FOXP2: variants seen among roughly 807,000 people sequenced by gnomAD.
The protein encoded by FOXP2 is forkhead box P2.
Under a neutral mutation model 115.8 loss-of-function variants are expected in FOXP2, and 12 were observed. The ratio of observed to expected loss-of-function variants is 0.10; its 90% CI spans 0.07 to 0.17. The LOEUF is 0.17. Among genes scored for constraint, FOXP2 ranks in the 10% least tolerant of loss-of-function variants. FOXP2 has a pLI of 1.00. For missense variants in FOXP2, 629 were observed against 843.5 expected (o/e 0.75, Z 3.15); for synonymous variants, 328 against 297.7 (o/e 1.10, Z -1.05).
chr7:114,262,909 A>G (rs1363057810), intron 1 of FOXP2, among the ~76,000 whole-genome samples: 1 of 152,128 alleles, frequency 6.6e-6, no homozygotes, highest in Non-Finnish European at 1.5e-5. Flanking sequence ...TTTTATGTCT[A>G]CATAGTATCC....
chr7:114,086,480 C>CT (rs577923106), upstream of FOXP2: 964 of 349,364 alleles, frequency 2.8e-3, 12 homozygotes, highest in African/African-American at 0.02. Flanking sequence ...CGGCCCCCCC[C>CT]CTCCCCGGGC....
intron 1 of FOXP2, among the ~76,000 whole-genome samples, chr7:114,139,986 G>A (rs962729962): frequency 2.0e-5 from 3 of 152,072 alleles, no homozygotes; most frequent in South Asian, 2.1e-4. Context: ...GGTGGCAGGC[G>A]CCTGTAATCC....
intron 2 of FOXP2, among the ~76,000 whole-genome samples, chr7:114,504,861 T>C (rs906640305): frequency 1.3e-5 from 2 of 151,576 alleles, no homozygotes; most frequent in African/African-American, 2.4e-5. Context: ...GTAAAAAGCA[T>C]TGGTATTAGA....
chr7:114,417,138 C>G (rs950131015), intron 1 of FOXP2, among the ~76,000 whole-genome samples: 4 of 151,878 alleles, frequency 2.6e-5, no homozygotes, highest in Non-Finnish European at 5.9e-5. Flanking sequence ...TAATTTAATA[C>G]TCCTATGCAT....
chr7:114,486,013 C>T (rs1046829334), intron 2 of FOXP2, among the ~76,000 whole-genome samples: 1 of 152,034 alleles, frequency 6.6e-6, no homozygotes, highest in Admixed American at 6.6e-5. Flanking sequence ...TGCCATGGCT[C>T]CTGCTACTAC....
At chr7:114,156,953 T>A (rs1009735441) in intron 1 of FOXP2, among the ~76,000 whole-genome samples, 3 of 152,112 alleles carry the variant, frequency 2.0e-5, no homozygotes, top group African/African-American at 7.2e-5. Context: ...GTCTAGTAAG[T>A]TTTTTATAAA....
At chr7:114,426,417 T>C (rs902586074) in intron 1 of FOXP2, 85 bp from the exon 2 acceptor site, 1 of 1,266,926 alleles carries the variant, frequency 7.9e-7, no homozygotes, top group Admixed American at 1.8e-5. Context: ...AGATGCTGTC[T>C]CTGTAATTGG....
At position 114,663,439 on chromosome 7, in the gene FOXP2, T is replaced by TG; in HGVS notation, c.1770-11_1770-10insG. 6.4e-7 allele frequency: 1 copy of TG among 1,573,674 alleles called. No homozygotes were observed. Among genetic ancestry groups the TG allele is most frequent in the Non-Finnish European group, 8.7e-7 (1 of 1,145,080 alleles). ...GACGTATAAATGATCTTTATATATT[T>TG]TTTTTTTCAGAAGTCCAACCTTAGT... On this transcript the variant is annotated splice_polypyrimidine_tract_variant and intron_variant, in intron 14 of 16. Transcript: ENST00000350908.
chr7:114,355,647 TA>T (rs1436218530), intron 2 of FOXP2, among the ~76,000 whole-genome samples: 2 of 152,196 alleles, frequency 1.3e-5, no homozygotes, highest in Admixed American at 6.6e-5. Flanking sequence ...TTATGTAGTT[TA>T]AAAAAACAAC....
At chr7:114,181,277 A>AATATATATAT (rs143721093) in intron 1 of FOXP2, among the ~76,000 whole-genome samples, 1 of 146,090 alleles carries the variant, frequency 6.8e-6, no homozygotes, top group South Asian at 2.1e-4. Context: ...CTAATAAATT[A>AATATATATAT]ATATATATAT....
At chr7:114,353,334 CTTTTTTTTT>C (rs138925770) in intron 2 of FOXP2, among the ~76,000 whole-genome samples, 72 of 64,130 alleles carry the variant, frequency 1.1e-3, no homozygotes, top group African/African-American at 3.8e-3. Flanking sequence ...ATAGGAGCCT[CTTTTTTTTT>C]TTTTTTTTTT....
intron 2 of FOXP2, among the ~76,000 whole-genome samples, chr7:114,445,008 A>G (rs1794768930): frequency 6.6e-6 from 1 of 152,112 alleles, no homozygotes. Flanking sequence ...AAGCCCAATT[A>G]GCACATGGAA....
At chr7:114,500,431 A>C (rs1023486074) in intron 2 of FOXP2, among the ~76,000 whole-genome samples, 4 of 151,884 alleles carry the variant, frequency 2.6e-5, no homozygotes, top group Non-Finnish European at 5.9e-5. Context: ...TTAAAATTGT[A>C]TATTTACTTT....
intron 3 of FOXP2, chr7:114,570,751 C>A: frequency 7.7e-7 from 1 of 1,291,958 alleles, no homozygotes; most frequent in Non-Finnish European, 1.1e-6. Flanking sequence ...ACGTTATTAG[C>A]ACAAGCCTTA....
intron 2 of FOXP2, among the ~76,000 whole-genome samples, chr7:114,319,295 C>T (rs1263394666): frequency 6.6e-6 from 1 of 151,218 alleles, no homozygotes; most frequent in African/African-American, 2.4e-5. Flanking sequence ...TTGTGTTCTC[C>T]TCAGCTTCCT....
At chr7:114,209,472 G>A (rs1794289289) in intron 1 of FOXP2, among the ~76,000 whole-genome samples, 1 of 152,104 alleles carries the variant, frequency 6.6e-6, no homozygotes, top group African/African-American at 2.4e-5. Context: ...TTGAATATTG[G>A]CCCCTAATGT....
intron 1 of FOXP2, among the ~76,000 whole-genome samples, chr7:114,135,389 A>C (rs951884289): frequency 2.6e-5 from 4 of 152,272 alleles, no homozygotes; most frequent in African/African-American, 9.6e-5. Context: ...CAGAATAACA[A>C]ACTAAAGGTG....
At chr7:114,592,904 G>A (rs1376684663) in intron 3 of FOXP2, among the ~76,000 whole-genome samples, 1 of 151,940 alleles carries the variant, frequency 6.6e-6, no homozygotes, top group Non-Finnish European at 1.5e-5. Context: ...ATTTGGCTTT[G>A]TGAGTCGAAT....
chr7:114,122,924 T>C (rs931699191), intron 1 of FOXP2, among the ~76,000 whole-genome samples: 6 of 152,024 alleles, frequency 3.9e-5, no homozygotes, highest in Admixed American at 1.3e-4. Flanking sequence ...ACTTTATACA[T>C]TTTTTTCACA....
Sources: gnomAD v4.1 joint callset for allele counts (sites outside exome capture counted in the v4.1 genomes callset) on GRCh38, gnomAD v4.1.1 for gene constraint, MANE v1.5 for transcripts, NCBI Gene and HGNC (gene_info 2026-07-23, HGNC 2026-07-21) for gene names.